TAFA4: variants seen among roughly 807,000 people sequenced by gnomAD.
TAFA4 encodes chemokine-like protein TAFA-4.
In TAFA4, 20 loss-of-function variants were observed where a neutral mutation model predicts 21.1. That is an observed-to-expected ratio of 0.95 (90% CI 0.67 to 1.38). The LOEUF is 1.38. Among genes scored for constraint, TAFA4 ranks in the 40% most tolerant of loss-of-function variants. The probability of loss-of-function intolerance (pLI) is 0.00; values close to 1 mark genes in which losing one functional copy is unlikely to be tolerated. For synonymous variants in TAFA4, 71 were observed against 67.4 expected (o/e 1.05, Z -0.26); for missense variants, 211 against 180.9 (o/e 1.17, Z -0.95).
chr3:68,825,930 T>C (rs1704218513), intron 3 of TAFA4, among the ~76,000 whole-genome samples: 1 of 152,178 alleles, frequency 6.6e-6, no homozygotes, highest in African/African-American at 2.4e-5. Context: ...ACACTGTCAG[T>C]TACCCAGGCC....
rs190722359 is a variant in TAFA4, at chr3:68,786,838, G to A, written c.131-33820C>T. On this transcript the variant is annotated intron_variant, in intron 3 of 5. Coordinates refer to ENST00000295569, the MANE Select transcript of TAFA4 (RefSeq NM_182522.5). ...ATGACTCAGGATTTACAATGGGTAG[G>A]TCTGAGAAAATTTTAATTTACTGGG... 9.8e-5 allele frequency among the ~76,000 whole-genome samples: 15 copies of A among 152,290 alleles called. No homozygotes were observed. In the East Asian group the frequency reaches 2.5e-3, roughly 25 times the overall value.
At chr3:68,804,890 T>C (rs1196543025) in intron 3 of TAFA4, among the ~76,000 whole-genome samples, 3 of 152,166 alleles carry the variant, frequency 2.0e-5, no homozygotes, top group African/African-American at 4.8e-5. Flanking sequence ...GACATAGGCA[T>C]GGGCAAGGAC....
intron 1 of TAFA4, among the ~76,000 whole-genome samples, chr3:68,891,304 A>G (rs1304042848): frequency 1.3e-5 from 2 of 152,228 alleles, no homozygotes; most frequent in Admixed American, 1.3e-4. Flanking sequence ...GTACACAGCA[A>G]AACAGAATCT....
intron 3 of TAFA4, among the ~76,000 whole-genome samples, chr3:68,809,437 T>A (rs1413588075): frequency 6.6e-6 from 1 of 152,204 alleles, no homozygotes; most frequent in Admixed American, 6.5e-5. Context: ...CAATATGATT[T>A]GTTTGTGATT....
At chr3:68,913,954 T>C (rs2089982378) in intron 1 of TAFA4, among the ~76,000 whole-genome samples, 2 of 152,234 alleles carry the variant, frequency 1.3e-5, no homozygotes, top group Non-Finnish European at 2.9e-5. Context: ...AAGTGCTATA[T>C]GTGTGGTAGC....
chr3:68,822,445 C>G (rs1196312306), intron 3 of TAFA4, among the ~76,000 whole-genome samples: 2 of 152,180 alleles, frequency 1.3e-5, no homozygotes, highest in Admixed American at 6.5e-5. Context: ...AAAATTACCT[C>G]CAAGAGGCAA....
At chr3:68,915,441 C>A (rs1031996428) in intron 1 of TAFA4, among the ~76,000 whole-genome samples, 1 of 152,196 alleles carries the variant, frequency 6.6e-6, no homozygotes, top group Non-Finnish European at 1.5e-5. Flanking sequence ...GTAGAGTCCT[C>A]TTCTATGTTT....
intron 3 of TAFA4, among the ~76,000 whole-genome samples, chr3:68,854,241 A>T (rs1321483872): frequency 6.6e-6 from 1 of 151,956 alleles, no homozygotes; most frequent in Non-Finnish European, 1.5e-5. Context: ...TGAGACGAGA[A>T]TGTTCTCTGA....
At chr3:68,828,252 C>T (rs1243456137) in intron 3 of TAFA4, among the ~76,000 whole-genome samples, 2 of 152,096 alleles carry the variant, frequency 1.3e-5, no homozygotes, top group African/African-American at 4.8e-5. Context: ...GTTTTGGTAC[C>T]AGTACCATGC....
At chr3:68,871,254 C>T (rs1481351217) in intron 3 of TAFA4, among the ~76,000 whole-genome samples, 2 of 152,008 alleles carry the variant, frequency 1.3e-5, no homozygotes, top group Admixed American at 6.6e-5. Context: ...GACACATGCA[C>T]ACGAATGTTT....
intron 3 of TAFA4, among the ~76,000 whole-genome samples, chr3:68,865,468 C>A (rs2089404884): frequency 1.3e-5 from 2 of 151,992 alleles, no homozygotes; most frequent in South Asian, 4.1e-4. Flanking sequence ...CTCACGAGAT[C>A]TGATGGTTTT....
intron 3 of TAFA4, among the ~76,000 whole-genome samples, chr3:68,863,175 G>T (rs1362595116): frequency 6.6e-6 from 1 of 151,960 alleles, no homozygotes; most frequent in Non-Finnish European, 1.5e-5. Context: ...CCGGGAAGGT[G>T]GGGGTTGCAG....
intron 1 of TAFA4, among the ~76,000 whole-genome samples, chr3:68,896,605 G>A (rs1404429095): frequency 6.6e-6 from 1 of 152,214 alleles, no homozygotes; most frequent in Non-Finnish European, 1.5e-5. Flanking sequence ...TACTGACATA[G>A]ATGGCCTCAA....
chr3:68,796,956 GACT>G (rs1217453946), intron 3 of TAFA4, among the ~76,000 whole-genome samples: 3 of 152,128 alleles, frequency 2.0e-5, no homozygotes, highest in African/African-American at 7.2e-5. Flanking sequence ...TCATTACAAT[GACT>G]ACTATCAAAA....
At chr3:68,885,613 A>G (rs1443709738) in intron 1 of TAFA4, among the ~76,000 whole-genome samples, 2 of 152,188 alleles carry the variant, frequency 1.3e-5, no homozygotes, top group Non-Finnish European at 2.9e-5. Flanking sequence ...GAAATGCACA[A>G]ATTTCACTCT....
At chr3:68,843,698 C>T (rs1212210066) in intron 3 of TAFA4, among the ~76,000 whole-genome samples, 2 of 152,208 alleles carry the variant, frequency 1.3e-5, no homozygotes, top group African/African-American at 4.8e-5. Context: ...TCCACCAATA[C>T]CTAGTTTACT....
At chr3:68,776,194 G>A (rs1285023889) in intron 3 of TAFA4, among the ~76,000 whole-genome samples, 4 of 151,944 alleles carry the variant, frequency 2.6e-5, no homozygotes, top group Non-Finnish European at 5.9e-5. Context: ...ATAATCCAGG[G>A]TAACAAACTA....
chr3:68,739,005 A>G, intron 5 of TAFA4, 70 bp downstream of exon 5: 1 of 1,588,774 alleles, frequency 6.3e-7, no homozygotes, highest in Non-Finnish European at 8.6e-7. Flanking sequence ...TGATGGCAGA[A>G]TAAAATCAAG....
At position 68,842,426 on chromosome 3, in the gene TAFA4, G is replaced by A. The variant is rs774109783; in HGVS notation, c.130+38304C>T. The stretch of plus-strand genomic sequence containing the variant: ...TCTTGTAAATTTGTTTAAGCTCTTT[G>A]TGGATTCTGGATATTAGCCCTTTGT... On this transcript the variant is annotated intron_variant, in intron 3 of 5. Coordinates refer to ENST00000295569, the MANE Select transcript of TAFA4 (RefSeq NM_182522.5). 7.9e-5 allele frequency among the ~76,000 whole-genome samples: 12 copies of A among 152,074 alleles called. 1 individual carries two copies. Among genetic ancestry groups the A allele is most frequent in the Non-Finnish European group, 1.6e-4 (11 of 68,008 alleles).
Sources: allele counts gnomAD v4.1 joint callset (sites outside exome capture counted in the v4.1 genomes callset), GRCh38; gene constraint gnomAD v4.1.1; transcripts MANE v1.5; gene names NCBI Gene and HGNC (gene_info 2026-07-23, HGNC 2026-07-21).